Variants in MKLN1 observed in about 807,000 individuals in gnomAD.
MKLN1 encodes muskelin.
MKLN1 carries 18 observed loss-of-function variants against 99.0 expected under a neutral mutation model. The observed-to-expected ratio is 0.18, with a 90% CI of 0.13 to 0.27. The LOEUF is 0.27. Among genes scored for constraint, MKLN1 ranks in the 10% least tolerant of loss-of-function variants. MKLN1 has a pLI of 1.00. For missense variants in MKLN1, 621 were observed against 875.9 expected, an observed-to-expected ratio of 0.71 and a Z score of 3.67; for synonymous variants, 288 against 293.2, an observed-to-expected ratio of 0.98 and a Z score of 0.18.
At position 131,464,313 on chromosome 7, in the gene MKLN1, G is replaced by T; in HGVS notation, c.1693G>T (p.Asp565Tyr). Reference sequence around the variant, plus strand: ...TTGCAGGTCTTGTGTCTATAAGAATGATCAAGCTGCAAAGGATAATCCAAC... The same window carrying T: ...TTGCAGGTCTTGTGTCTATAAGAATTATCAAGCTGCAAAGGATAATCCAAC... Reference protein sequence around the residue: ...RNSWSCVYKNDQAAKDNPTKS... With the variant: ...RNSWSCVYKNYQAAKDNPTKS... Residue 565 changes from aspartate (D) to tyrosine (Y), a missense_variant, in exon 14 of 18, where the codon GAT (aspartate) becomes TAT (tyrosine). By Grantham distance (160) the Asp-to-Tyr change is radical. Coordinates refer to ENST00000352689, the MANE Select transcript of MKLN1 (RefSeq NM_013255.5). The T allele has an allele frequency of 1.2e-6, 2 of 1,611,794 alleles. No homozygotes were observed. The highest frequency in any genetic ancestry group is 2.2e-5 in the South Asian group (2 of 90,906).
chr7:131,259,910 T>C (rs930641256), intron 3 of MKLN1, among the ~76,000 whole-genome samples: 1 of 152,176 alleles, frequency 6.6e-6, no homozygotes, highest in African/African-American at 2.4e-5. Context: ...GGAAGTCAAA[T>C]TATTGCTCTT....
chr7:131,214,863 A>G (rs183602967), intron 3 of MKLN1, among the ~76,000 whole-genome samples: 367 of 152,306 alleles, frequency 2.4e-3, no homozygotes, highest in Non-Finnish European at 3.6e-3. Context: ...ATATGTTTCC[A>G]TTTATTCAAA....
intron 2 of MKLN1, among the ~76,000 whole-genome samples, chr7:131,184,943 C>T (rs948788052): frequency 5.9e-5 from 9 of 152,268 alleles, no homozygotes; most frequent in Middle Eastern, 3.4e-3. Flanking sequence ...TAGGCCAACA[C>T]GGATGGATCT....
intron 1 of MKLN1, among the ~76,000 whole-genome samples, chr7:131,366,521 T>A (rs1800185058): frequency 6.6e-6 from 1 of 152,044 alleles, no homozygotes; most frequent in South Asian, 2.1e-4. Context: ...TTAAGAGTAG[T>A]AATTTAGGGC....
At chr7:131,426,649 T>C (rs1181582334) in intron 8 of MKLN1, among the ~76,000 whole-genome samples, 1 of 152,218 alleles carries the variant, frequency 6.6e-6, no homozygotes, top group Non-Finnish European at 1.5e-5. Flanking sequence ...TAGTCAGTTA[T>C]AATATCATTT....
At chr7:131,149,342 C>A (rs1055108810) in intron 2 of MKLN1, among the ~76,000 whole-genome samples, 1 of 152,100 alleles carries the variant, frequency 6.6e-6, no homozygotes, top group African/African-American at 2.4e-5. Context: ...CTTTATGTCT[C>A]CACAAATGAA....
At chr7:131,148,242 C>T (rs1584791706) in intron 2 of MKLN1, among the ~76,000 whole-genome samples, 1 of 152,106 alleles carries the variant, frequency 6.6e-6, no homozygotes, top group African/African-American at 2.4e-5. Flanking sequence ...GGCCAGCATC[C>T]TAGGCTCTAT....
chr7:131,473,244 G>A (rs1796876436), intron 16 of MKLN1, among the ~76,000 whole-genome samples: 1 of 152,082 alleles, frequency 6.6e-6, no homozygotes, highest in Non-Finnish European at 1.5e-5. Flanking sequence ...TTGAGAAGGG[G>A]CTTACTGTTC....
At chr7:131,461,255 G>A (rs1296906496) in intron 12 of MKLN1, among the ~76,000 whole-genome samples, 3 of 102,224 alleles carry the variant, frequency 2.9e-5, no homozygotes, top group African/African-American at 8.5e-5. Flanking sequence ...TTTTGTTTGC[G>A]GTTTTTTTTT....
At chr7:131,281,706 CA>C (rs1198248668) in intron 3 of MKLN1, among the ~76,000 whole-genome samples, 2 of 149,790 alleles carry the variant, frequency 1.3e-5, no homozygotes, top group Non-Finnish European at 3.0e-5. Flanking sequence ...TTTTTGTTTA[CA>C]GTCTTGCTCT....
rs1406029076 is a variant in MKLN1, at chr7:131,493,405, G to A, written c.*5677G>A. On this transcript the variant is annotated 3_prime_UTR_variant, in exon 18 of 18. Transcript: ENST00000352689. The stretch of plus-strand genomic sequence containing the variant: ...GATTTTAGAGGTCCACAAATCGAAA[G>A]GAAAAATAAATTTCTTCATTTCTAA... 6.6e-6 allele frequency: 1 copy of A among 152,026 alleles called. No individual in the cohort carries two copies. The highest frequency in any genetic ancestry group is 1.5e-5 in the Non-Finnish European group (1 of 68,000). The allele number at this position is 152,026 out of a possible 1,614,324, so 9.4% of individuals were successfully genotyped here. A position where few individuals can be genotyped will look rare whatever the true frequency, so the allele number is the denominator to read the frequency against.
In MKLN1 at chr7:131,355,628, C is replaced by CTATATATATATATATATATA. The variant is rs58377694; in HGVS notation, c.99-19794_99-19775dup. On this transcript the variant is annotated intron_variant, in intron 1 of 17. Coordinates refer to ENST00000352689, the MANE Select transcript of MKLN1 (RefSeq NM_013255.5). ...AGGCTCTGATTTCTTTAACTTGATACTATATATATATATATATATATGCTT... is the reference window on the plus strand; with the variant it reads ...AGGCTCTGATTTCTTTAACTTGATACTATATATATATATATATATATATATATATATATATATATATGCTT... Among the ~76,000 whole-genome samples the CTATATATATATATATATATA allele has an allele frequency of 7.9e-3, 1,074 of 136,448 alleles. 8 individuals are homozygous for CTATATATATATATATATATA. The highest frequency in any genetic ancestry group is 0.014 in the African/African-American group (480 of 34,734). The allele number at this position is 136,448 out of a possible 152,430, so 89.5% of individuals were successfully genotyped here.
chr7:131,204,012 C>CA (rs1189279257), intron 3 of MKLN1, among the ~76,000 whole-genome samples: 1 of 152,166 alleles, frequency 6.6e-6, no homozygotes, highest in Non-Finnish European at 1.5e-5. Flanking sequence ...TACCTAGGAC[C>CA]AATACAGCTT....
intron 1 of MKLN1, among the ~76,000 whole-genome samples, chr7:131,141,006 C>T (rs1010247100): frequency 2.0e-5 from 3 of 152,038 alleles, no homozygotes; most frequent in Middle Eastern, 3.2e-3. Context: ...GGATGGTCTC[C>T]ATCTCCTGAT....
Position 131,150,235 on chromosome 7 carries a change from AAT to A in MKLN1, c.-297+7295_-297+7296del, listed in dbSNP as rs769052982. Among the ~76,000 whole-genome samples the A allele has an allele frequency of 6.0e-4, 92 of 152,186 alleles. 3 individuals carry two copies. The highest frequency in any genetic ancestry group is 1.0e-4 in the Non-Finnish European group (7 of 68,038). ...GTGGCAACAAAATCTGGAATAACTC[AAT>A]GACTGCGTGACCTTGAGCAAGCAAC... On this transcript the variant is annotated intron_variant, in intron 2 of 7. Coordinates refer to the MKLN1 transcript ENST00000416992.
intron 3 of MKLN1, among the ~76,000 whole-genome samples, chr7:131,267,055 G>A (rs1241099074): frequency 6.6e-6 from 1 of 151,962 alleles, no homozygotes; most frequent in Non-Finnish European, 1.5e-5. Flanking sequence ...CTTTCCGGCT[G>A]GGCGTGGTAG....
At chr7:131,382,563 A>G (rs907287473) in intron 2 of MKLN1, among the ~76,000 whole-genome samples, 2 of 151,894 alleles carry the variant, frequency 1.3e-5, no homozygotes, top group African/African-American at 4.8e-5. Flanking sequence ...TATGTTTTGT[A>G]TTTAAGTTCT....
At position 131,404,897 on chromosome 7, in the gene MKLN1, G is replaced by A. The variant is rs996973174; in HGVS notation, c.703+5464G>A. On this transcript the variant is annotated intron_variant, in intron 6 of 17. Coordinates refer to ENST00000352689, the MANE Select transcript of MKLN1 (RefSeq NM_013255.5). ...CAGTTGTGAGCCGCCACCCTCAGCC[G>A]AATTACTTCTTTATTTTATACTTGG... Among the ~76,000 whole-genome samples the A allele has an allele frequency of 3.3e-5, 5 of 151,008 alleles. No individual in the cohort carries two copies. In the East Asian group the frequency reaches 5.9e-4, roughly 18 times the overall value.
At chr7:131,194,118 G>A (rs1398130039) in intron 2 of MKLN1, among the ~76,000 whole-genome samples, 1 of 151,378 alleles carries the variant, frequency 6.6e-6, no homozygotes. Context: ...TCAAAGTGCT[G>A]GGATTATAGG....
Sources: allele counts gnomAD v4.1 joint callset (sites outside exome capture counted in the v4.1 genomes callset), GRCh38; gene constraint gnomAD v4.1.1; transcripts MANE v1.5; gene names NCBI Gene and HGNC (gene_info 2026-07-23, HGNC 2026-07-21).